Variants in PRDM11 observed in about 807,000 individuals in gnomAD.
PRDM11 encodes PR/SET domain 11, also known as PR domain-containing protein 11.
Under a neutral mutation model 97.8 loss-of-function variants are expected in PRDM11, and 20 were observed. The ratio of observed to expected loss-of-function variants is 0.20; its 90% CI spans 0.14 to 0.30. The LOEUF (loss-of-function observed/expected upper bound fraction) is 0.30, where lower values mean the gene tolerates loss of function less well. Ranked by LOEUF, PRDM11 falls within the 10% of genes least tolerant of loss-of-function variation. The pLI, the probability that PRDM11 is intolerant of heterozygous loss-of-function variation, is 1.00. For missense variants in PRDM11, 1,139 were observed against 1,555.2 expected, an observed-to-expected ratio of 0.73 and a Z score of 4.50; for synonymous variants, 599 against 637.7, an observed-to-expected ratio of 0.94 and a Z score of 0.91.
intron 1 of PRDM11, among the ~76,000 whole-genome samples, chr11:45,107,286 T>G (rs569138498): frequency 1.3e-5 from 2 of 152,214 alleles, no homozygotes; most frequent in Non-Finnish European, 2.9e-5. Flanking sequence ...CTGTGTGACC[T>G]GGGCTGATGA....
At chr11:45,132,473 T>TA (rs1431749261) in intron 1 of PRDM11, among the ~76,000 whole-genome samples, 1 of 152,164 alleles carries the variant, frequency 6.6e-6, no homozygotes, top group Non-Finnish European at 1.5e-5. Flanking sequence ...TATGTTATAA[T>TA]AAAAAAGTCT....
chr11:45,192,971 CAA>C (rs1852968764), intron 4 of PRDM11, among the ~76,000 whole-genome samples: 1 of 152,202 alleles, frequency 6.6e-6, no homozygotes, highest in Admixed American at 6.5e-5. Flanking sequence ...TGAGACACAG[CAA>C]GAGTCTTTGG....
chr11:45,134,701 G>GAAAACAA (rs1852796612), intron 1 of PRDM11, among the ~76,000 whole-genome samples: 1 of 44,262 alleles, frequency 2.3e-5, no homozygotes, highest in Non-Finnish European at 3.5e-5. Context: ...CCTGTCTCAC[G>GAAAACAA]AAAAAAAAAA....
chr11:45,180,496 A>G (rs1247318190), intron 1 of PRDM11, among the ~76,000 whole-genome samples: 1 of 151,682 alleles, frequency 6.6e-6, no homozygotes, highest in Non-Finnish European at 1.5e-5. Flanking sequence ...AGGCCCTGGA[A>G]TGCGTCCACC....
rs768428132 is a variant in PRDM11 at position 45,213,519 on chromosome 11, C to T, written c.555-6051C>T. On this transcript the variant is annotated intron_variant, in intron 5 of 7. Coordinates refer to ENST00000683152, the MANE Select transcript of PRDM11 (RefSeq NM_001384648.1). Reference sequence around the variant, plus strand: ...AGGGAGGGGTCTACCCTCCCTTGCCCGGGGGTGGTGCCCGCCTTGGCCCTC... The same window carrying T: ...AGGGAGGGGTCTACCCTCCCTTGCCTGGGGGTGGTGCCCGCCTTGGCCCTC... 71 of 456,290 alleles carry T rather than the reference C, an allele frequency of 1.6e-4. 1 individual carries two copies. Among genetic ancestry groups the T allele is most frequent in the African/African-American group, 5.2e-4 (26 of 50,054 alleles). 28.3% of individuals were successfully genotyped at this position (456,290 alleles called of 1,614,324 possible).
Position 45,224,390 on chromosome 11 carries a change from A to C in PRDM11, c.916A>C (p.Lys306Gln). The change falls in exon 7 of 8, where the codon AAG (lysine) becomes CAG (glutamine). Residue 306 changes from lysine to glutamine, a missense_variant. Lys to Gln is a moderately conservative substitution (Grantham distance 53). Transcript: ENST00000683152. ...AKKKKIDLIF[K>Q]DVLEASLESA... ...GAAGAAGAAAATTGACCTGATTTTC[A>C]AGGATGTTCTGGAGGCCTCACTGGA... The C allele has an allele frequency of 6.2e-7, 1 of 1,614,214 alleles. No individual in the cohort carries two copies. Among genetic ancestry groups the C allele is most frequent in the Admixed American group, 1.7e-5 (1 of 60,038 alleles).
intron 1 of PRDM11, among the ~76,000 whole-genome samples, chr11:45,111,954 T>C (rs937433677): frequency 4.8e-4 from 39 of 81,628 alleles, no homozygotes; most frequent in African/African-American, 1.9e-3. Context: ...TTAGCTTTAA[T>C]TTTTATTGTA....
At chr11:45,207,841 C>T (rs1185498028) in intron 5 of PRDM11, among the ~76,000 whole-genome samples, 2 of 152,142 alleles carry the variant, frequency 1.3e-5, no homozygotes, top group African/African-American at 2.4e-5. Flanking sequence ...ATGTTGGTGC[C>T]GCCGGCCTTC....
chr11:45,111,392 C>A (rs1161223329), intron 1 of PRDM11, among the ~76,000 whole-genome samples: 1 of 54,516 alleles, frequency 1.8e-5, no homozygotes, highest in African/African-American at 3.4e-5. Flanking sequence ...TTCACAGCGA[C>A]AGGACAACAG....
At chr11:45,111,118 C>A (rs190617630) in intron 1 of PRDM11, among the ~76,000 whole-genome samples, 1 of 152,200 alleles carries the variant, frequency 6.6e-6, no homozygotes, top group Non-Finnish European at 1.5e-5. Context: ...GTTTTTAAAT[C>A]TCCATAATTC....
upstream of PRDM11, among the ~76,000 whole-genome samples, chr11:45,094,653 A>G (rs572301581): frequency 1.5e-5 from 2 of 132,976 alleles, no homozygotes; most frequent in South Asian, 5.4e-4. Context: ...AATGGGAGGG[A>G]GGAAAGAAGG....
chr11:45,172,443 A>G (rs1852223350), intron 1 of PRDM11, among the ~76,000 whole-genome samples: 1 of 152,144 alleles, frequency 6.6e-6, no homozygotes, highest in Non-Finnish European at 1.5e-5. Context: ...ACCCTCAGTC[A>G]TCTCATTAGC....
intron 1 of PRDM11, among the ~76,000 whole-genome samples, chr11:45,104,403 C>T (rs1267592396): frequency 6.6e-6 from 1 of 152,188 alleles, no homozygotes; most frequent in Non-Finnish European, 1.5e-5. Flanking sequence ...CCATGGGGGT[C>T]GGGTTTCTCA....
chr11:45,187,907 G>A (rs754096954), intron 4 of PRDM11, among the ~76,000 whole-genome samples: 15 of 152,000 alleles, frequency 9.9e-5, no homozygotes, highest in Non-Finnish European at 2.2e-4. Context: ...TGCCTGCTCT[G>A]CTGATGGGTA....
chr11:45,127,904 G>A (rs924121931), intron 1 of PRDM11, among the ~76,000 whole-genome samples: 8 of 152,242 alleles, frequency 5.3e-5, no homozygotes, highest in African/African-American at 1.9e-4. Context: ...GTTTAAGTCT[G>A]TAGAGGTTAC....
chr11:45,183,417 G>A (rs1160886092), intron 4 of PRDM11, among the ~76,000 whole-genome samples: 4 of 152,142 alleles, frequency 2.6e-5, no homozygotes, highest in Non-Finnish European at 5.9e-5. Context: ...GTGGACCATT[G>A]GGCAGTATTG....
rs527584385 is a variant in PRDM11 at position 45,209,235 on chromosome 11, C to T, written c.554+4457C>T. On this transcript the variant is annotated intron_variant, in intron 5 of 7. Coordinates refer to ENST00000683152, the MANE Select transcript of PRDM11 (RefSeq NM_001384648.1). ...CATCAAGTCGGCGCTGCTCACGGCC[C>T]GTGCAGGGCGCGGCTTCCCCAGGGC... 395 of 405,300 alleles carry T rather than the reference C, an allele frequency of 9.7e-4. 2 individuals carry two copies. The highest frequency in any genetic ancestry group is 7.6e-3 in the African/African-American group (371 of 48,764). 25.1% of individuals were successfully genotyped at this position (405,300 alleles called of 1,614,324 possible). A position where few individuals can be genotyped will look rare whatever the true frequency, so the allele number is the denominator to read the frequency against.
At position 45,171,247 on chromosome 11, in the gene PRDM11, C is replaced by A. The variant is rs148568592; in HGVS notation, c.-6-10514C>A. Reference sequence around the variant, plus strand: ...CCTGGGTAGCTGGAATTACAGGCACCCACCAACACGCCCAGCTAATTGTTG... The same window carrying A: ...CCTGGGTAGCTGGAATTACAGGCACACACCAACACGCCCAGCTAATTGTTG... On this transcript the variant is annotated intron_variant, in intron 1 of 7. Transcript: ENST00000683152. Among the ~76,000 whole-genome samples the A allele has an allele frequency of 1.2e-3, 187 of 152,108 alleles. 2 individuals carry two copies. The highest frequency in any genetic ancestry group is 4.3e-3 in the African/African-American group (178 of 41,490).
chr11:45,209,244 C>T (rs1357112607), intron 5 of PRDM11: 1 of 395,032 alleles, frequency 2.5e-6, no homozygotes, highest in Admixed American at 2.8e-5. Flanking sequence ...CCGTGCAGGG[C>T]GCGGCTTCCC....
Sources: gnomAD v4.1 joint callset for allele counts (sites outside exome capture counted in the v4.1 genomes callset) on GRCh38, gnomAD v4.1.1 for gene constraint, MANE v1.5 for transcripts, NCBI Gene and HGNC (gene_info 2026-07-23, HGNC 2026-07-21) for gene names.